The following MDN1 variants were observed in gnomAD, a reference collection of about 807,000 sequenced individuals.
MDN1 encodes the protein midasin.
In MDN1, 266 loss-of-function variants were observed where a neutral mutation model predicts 669.2. The observed-to-expected ratio is 0.40, with a 90% confidence interval of 0.36 to 0.44. The LOEUF is 0.44. MDN1 is among the 20% of genes least tolerant of loss of function. The pLI is 1.00. For synonymous variants in MDN1, 2,385 were observed against 2,457.1 expected (o/e 0.97, Z 0.87); for missense variants, 5,940 against 6,754.0 (o/e 0.88, Z 4.22).
At chr6:89,726,395 A>G (rs1028194761) in intron 37 of MDN1, among the ~76,000 whole-genome samples, 1 of 148,682 alleles carries the variant, frequency 6.7e-6, no homozygotes, top group African/African-American at 2.5e-5. Flanking sequence ...ACCTGGGAGG[A>G]GGAGGTTACA....
rs1372414022 is a variant in MDN1 at position 89,716,650 on chromosome 6, T to C, written c.6743A>G (p.Asn2248Ser). 6.2e-7 allele frequency: 1 copy of C among 1,609,496 alleles called. No homozygotes were observed. The change falls in exon 44 of 102, where the codon AAC becomes AGC. Residue 2248 changes from asparagine to serine, a missense_variant and splice_region_variant. Physicochemically the swap from Asn to Ser is conservative, Grantham distance 46. This residue lies in a region of MDN1 where 2,292 missense variants were observed against 2,638.3 expected (regional missense o/e 0.87). Coordinates refer to ENST00000369393, the MANE Select transcript of MDN1 (RefSeq NM_014611.3). ...WLLMDNVNFC[N>S]PSVLDRLNAL... is the part of the protein sequence containing the mutation. The stretch of plus-strand genomic sequence containing the variant: ...CACTGATTAGGCATAAGGTTCTTAC[T>C]TGCAGAAGTTAACATTGTCCATCAG...
rs757800688 is a variant in MDN1 at position 89,692,953 on chromosome 6, T to C, written c.10077A>G (p.Pro3359=). The C allele has an allele frequency of 1.2e-6, 2 of 1,614,156 alleles. No individual in the cohort carries two copies. The highest frequency in any genetic ancestry group is 8.5e-7 in the Non-Finnish European group (1 of 1,180,000). Residue 3359 remains proline, a synonymous_variant, in exon 63 of 102, where the codon CCA becomes CCG. Transcript: ENST00000369393. ...RLLQALHIDG[P]RSAQVAQSLL... ...GGCTCTGGGCTACTTGGGCAGACCG[T>C]GGCCCATCTATGTGGAGGGCCTGCA...
chr6:89,738,592 ATAAT>A (rs1221386582), intron 32 of MDN1, 137 bp from the exon 33 acceptor site: 2 of 887,820 alleles, frequency 2.3e-6, no homozygotes, highest in African/African-American at 1.7e-5. Flanking sequence ...ACTATCAGAT[ATAAT>A]TAATTGAAGA....
Position 89,732,764 on chromosome 6 carries a change from G to C in MDN1, c.4735C>G (p.Pro1579Ala). Residue 1579 changes from proline (P) to alanine (A), a missense_variant, in exon 34 of 102, where the codon CCT becomes GCT. By Grantham distance (27) the Pro-to-Ala change is conservative. Coordinates refer to ENST00000369393, the MANE Select transcript of MDN1 (RefSeq NM_014611.3). ...GRIDPKGSDI[P>A]EVMLDFIDWL... ...TCAATGAAATCCAGCATCACTTCAG[G>C]TATGTCAGACCCTAAACACAAGAAA... 2 of 1,613,694 alleles carry C rather than the reference G, an allele frequency of 1.2e-6. No homozygotes were observed. Among genetic ancestry groups the C allele is most frequent in the Non-Finnish European group, 1.7e-6 (2 of 1,179,900 alleles).
In MDN1 at chr6:89,684,977, A is replaced by C; in HGVS notation, c.11728T>G (p.Cys3910Gly). Residue 3910 changes from cysteine (C) to glycine (G), a missense_variant, in exon 71 of 102, where the codon TGC (cysteine) becomes GGC (glycine). By Grantham distance (159) the Cys-to-Gly change is radical. Coordinates refer to ENST00000369393, the MANE Select transcript of MDN1 (RefSeq NM_014611.3). The part of the protein sequence containing the change: ...MPQVEGKDSL[C>G]SVLWNLYHYY... ...TGGTACAAATTCCATAGAACACTGC[A>C]AAGTGAATCTGGAAGAAATGAAAAG... is the stretch of plus-strand genomic sequence containing the variant. The C allele has an allele frequency of 6.2e-7, 1 of 1,608,082 alleles. No individual in the cohort carries two copies. The highest frequency in any genetic ancestry group is 1.1e-5 in the South Asian group (1 of 90,790).
At chr6:89,653,288 G>C (rs957023909) in intron 93 of MDN1, 133 bp from the exon 94 acceptor site, 2 of 872,750 alleles carry the variant, frequency 2.3e-6, no homozygotes, top group African/African-American at 3.4e-5. Flanking sequence ...TCCACATGTT[G>C]ATTTCAGAGG....
chr6:89,690,059 G>C lies in MDN1; in HGVS notation c.10834C>G (p.Pro3612Ala), dbSNP rs768475591. Reference sequence around the variant, plus strand: ...ATTGAATTCTGGGAGAGGAGAGCTGGGTTTGTGCCTGCTTCCTCTTCTTGC... The same window carrying C: ...ATTGAATTCTGGGAGAGGAGAGCTGCGTTTGTGCCTGCTTCCTCTTCTTGC... ...DGQEEEAGTN[P>A]ALLSQNSMQA... is the part of the protein sequence containing the mutation. The change falls in exon 65 of 102, where the codon CCA (proline) becomes GCA (alanine). Residue 3612 changes from proline (P) to alanine (A), a missense_variant. Pro to Ala is a conservative substitution (Grantham distance 27). Around this residue, in one of 5 missense-constraint regions of MDN1, gnomAD observed 2,280 missense variants for 2,576.3 expected, o/e 0.88. Coordinates refer to ENST00000369393, the MANE Select transcript of MDN1 (RefSeq NM_014611.3). The C allele has an allele frequency of 6.2e-7, 1 of 1,614,130 alleles. No homozygotes were observed. The highest frequency in any genetic ancestry group is 1.7e-5 in the Admixed American group (1 of 60,024).
intron 88 of MDN1, among the ~76,000 whole-genome samples, chr6:89,659,755 T>C (rs1381512198): frequency 6.6e-6 from 1 of 152,246 alleles, no homozygotes; most frequent in Non-Finnish European, 1.5e-5. Flanking sequence ...GTCATGATCA[T>C]ATACAGAAAA....
chr6:89,754,823 T>C (rs1314751772), intron 20 of MDN1, among the ~76,000 whole-genome samples: 1 of 152,204 alleles, frequency 6.6e-6, no homozygotes, highest in African/African-American at 2.4e-5. Flanking sequence ...AAACCAAGTA[T>C]GCATGCATCA....
Position 89,702,079 on chromosome 6 carries a change from T to C in MDN1, c.8149-18A>G. The stretch of plus-strand genomic sequence containing the variant: ...CCTAAGATCTAAAAACAAAGTCTCT[T>C]AGATAAGATGGCATGAAGAAAGACT... On this transcript the variant is annotated intron_variant, in intron 53 of 101. Coordinates refer to ENST00000369393, the MANE Select transcript of MDN1 (RefSeq NM_014611.3). 6.4e-7 allele frequency: 1 copy of C among 1,569,010 alleles called. No individual in the cohort carries two copies. The highest frequency in any genetic ancestry group is 8.6e-7 in the Non-Finnish European group (1 of 1,160,418).
At chr6:89,743,355 T>C in intron 30 of MDN1, 75 bp from the exon 31 acceptor site, 1 of 1,571,544 alleles carries the variant, frequency 6.4e-7, no homozygotes, top group South Asian at 1.1e-5. Context: ...TGGCTGGTGT[T>C]TCCAGGGGTG....
intron 5 of MDN1, among the ~76,000 whole-genome samples, chr6:89,792,604 T>C (rs772490506): frequency 6.6e-5 from 10 of 152,048 alleles, no homozygotes; most frequent in Non-Finnish European, 1.3e-4. Context: ...GTTATTTATA[T>C]GAAGTTTATG....
chr6:89,737,692 G>C (rs974664320), intron 33 of MDN1, among the ~76,000 whole-genome samples: 10 of 150,700 alleles, frequency 6.6e-5, no homozygotes, highest in Non-Finnish European at 1.5e-4. Context: ...CTGTCGCCCA[G>C]GCTGGAGTAC....
rs754877055 is a variant in MDN1 at position 89,729,035 on chromosome 6, T to C, written c.5245A>G (p.Ile1749Val). Residue 1749 changes from isoleucine to valine, a missense_variant, in exon 36 of 102, where the codon ATT becomes GTT. Physicochemically the swap from Ile to Val is conservative, Grantham distance 29 (BLOSUM62 3). Transcript: ENST00000369393. ...LLRATKLKKP[I>V]LLEGSPGVGK... ...ACACCAGGGGAACCCTCCAGGAGAA[T>C]GGGCTTCTTCAGTTTGGTAGCTCTT... 9.9e-6 allele frequency: 16 copies of C among 1,614,028 alleles called. No individual in the cohort carries two copies. In the Admixed American group the frequency reaches 2.3e-4, roughly 24 times the overall value.
chr6:89,771,485 TAA>T, intron 15 of MDN1, 74 bp downstream of exon 15: 1 of 1,301,640 alleles, frequency 7.7e-7, no homozygotes, highest in East Asian at 2.3e-5. Flanking sequence ...CTGTGGTTGT[TAA>T]CACTAAGAAA....
intron 55 of MDN1, among the ~76,000 whole-genome samples, 187 bp downstream of exon 55, chr6:89,701,371 A>T (rs915761139): frequency 6.6e-6 from 1 of 152,232 alleles, no homozygotes; most frequent in African/African-American, 2.4e-5. Context: ...AAAGTCTTGG[A>T]CTTTCCTGGA....
At chr6:89,751,044 T>C (rs149840797) in intron 23 of MDN1, among the ~76,000 whole-genome samples, 42 of 152,242 alleles carry the variant, frequency 2.8e-4, no homozygotes, top group Non-Finnish European at 5.6e-4. Context: ...TTTATTCCTA[T>C]ACACTGAGAA....
intron 27 of MDN1, among the ~76,000 whole-genome samples, 156 bp downstream of exon 27, chr6:89,747,173 T>A (rs1173440279): frequency 4.6e-5 from 7 of 152,182 alleles, no homozygotes; most frequent in Admixed American, 4.6e-4. Flanking sequence ...AGGAATAAGA[T>A]CACTTACAAA....
Position 89,644,153 on chromosome 6 carries a change from G to C in MDN1, c.16643C>G (p.Pro5548Arg), listed in dbSNP as rs746014994. 16 of 1,613,472 alleles carry C rather than the reference G, an allele frequency of 9.9e-6. No individual in the cohort carries two copies. Among genetic ancestry groups the C allele is most frequent in the Non-Finnish European group, 1.3e-5 (15 of 1,179,840 alleles). Residue 5548 changes from proline to arginine, a missense_variant, in exon 102 of 102, where the codon CCT (proline) becomes CGT (arginine). This residue lies in a region of MDN1 where 2,280 missense variants were observed against 2,576.3 expected (regional missense o/e 0.88). Transcript: ENST00000369393. The stretch of plus-strand genomic sequence containing the variant: ...GGATCGGATTTCAGGCATCTCTCCA[G>C]GTCCTTTAAATATCGGTACTTTAAT... Reference protein sequence around the residue: ...LDIKVPIFKGPGEMPEIRSYM... With the variant: ...LDIKVPIFKGRGEMPEIRSYM...
Sources: gnomAD v4.1 joint callset for allele counts (sites outside exome capture counted in the v4.1 genomes callset) on GRCh38, gnomAD v4.1.1 for gene constraint, gnomAD v4.1.1 regional missense constraint, MANE v1.5 for transcripts, NCBI Gene and HGNC (gene_info 2026-07-23, HGNC 2026-07-21) for gene names.